NACC1: variants seen among roughly 807,000 people sequenced by gnomAD.
NACC1 encodes nucleus accumbens associated 1.
NACC1 carries 6 observed loss-of-function variants against 41.7 expected under a neutral mutation model. That is an observed-to-expected ratio of 0.14 (90% confidence interval 0.08 to 0.28). The LOEUF (loss-of-function observed/expected upper bound fraction) is 0.28, where lower values mean the gene tolerates loss of function less well. Among genes scored for constraint, NACC1 ranks in the 10% least tolerant of loss-of-function variants. The pLI is 1.00. For synonymous variants in NACC1, 338 were observed against 330.6 expected (o/e 1.02, Z -0.24); for missense variants, 434 against 763.7 (o/e 0.57, Z 5.09).
Position 13,136,144 on chromosome 19 carries a change from G to C in NACC1, c.937G>C (p.Gly313Arg). 1 of 1,611,874 alleles carries C rather than the reference G, an allele frequency of 6.2e-7. No homozygotes were observed. Among genetic ancestry groups the C allele is most frequent in the Non-Finnish European group, 8.5e-7 (1 of 1,178,854 alleles). The change falls in exon 2 of 6, where the codon GGC becomes CGC. Residue 313 changes from glycine (G) to arginine (R), a missense_variant. Physicochemically the swap from Gly to Arg is moderately radical, Grantham distance 125. Coordinates refer to ENST00000292431, the MANE Select transcript of NACC1 (RefSeq NM_052876.4). This position sits in a 1 kb window ranked among gnomAD's most constrained non-coding sequence, Gnocchi z 5.5. ...CACCATGTACAGCATGATGAACGTCGGCCAGACAGGTGAGGTGCCGTCCTG... is the reference window on the plus strand; with the variant it reads ...CACCATGTACAGCATGATGAACGTCCGCCAGACAGGTGAGGTGCCGTCCTG... The part of the protein sequence containing the change: ...MYTMYSMMNV[G>R]QTAEKVEALP...
chr19:13,139,454 A>G lies in NACC1; in HGVS notation c.*1048A>G, dbSNP rs1288518269. 1 of 152,184 alleles carries G rather than the reference A, an allele frequency of 6.6e-6. No individual in the cohort carries two copies. The highest frequency in any genetic ancestry group is 1.5e-5 in the Non-Finnish European group (1 of 68,200). 9.4% of individuals were successfully genotyped at this position (152,184 alleles called of 1,614,324 possible). ...GGTCCCCAGGGGTGGGGGGCCTTGG[A>G]AGGCAGGGCGGTGTTGGGGGGCTGG... On this transcript the variant is annotated 3_prime_UTR_variant, in exon 6 of 6. Transcript: ENST00000292431.
At position 13,137,281 on chromosome 19, in the gene NACC1, G is replaced by A. The variant is rs1171186093; in HGVS notation, c.1131G>A (p.Val377=). ...GCTTCCTCTCACCAGGCACCAACGT[G>A]TACATCACAAGGGCGCAGCTGATGA... ...EKLELVTGTN[V]YITRAQLMNC... Residue 377 remains valine (V), a synonymous_variant, in exon 4 of 6, where the codon GTG becomes GTA. Coordinates refer to ENST00000292431, the MANE Select transcript of NACC1 (RefSeq NM_052876.4). The surrounding 1 kb of genome is among the most constrained non-coding windows in gnomAD (Gnocchi z 6.1). 1 of 1,613,538 alleles carries A rather than the reference G, an allele frequency of 6.2e-7. No individual in the cohort carries two copies. Among genetic ancestry groups the A allele is most frequent in the African/African-American group, 1.3e-5 (1 of 74,938 alleles).
At chr19:13,122,749 G>T (rs1001507609) in intron 1 of NACC1, among the ~76,000 whole-genome samples, 1 of 152,150 alleles carries the variant, frequency 6.6e-6, no homozygotes, top group African/African-American at 2.4e-5. Context: ...AAACCCCAGC[G>T]ATCACTGCCT....
intron 1 of NACC1, 66 bp from the exon 2 acceptor site, chr19:13,135,134 C>T: frequency 6.8e-7 from 1 of 1,463,684 alleles, no homozygotes; most frequent in Non-Finnish European, 9.0e-7. Flanking sequence ...AGGCCAGCAC[C>T]CACATTTGCC....
chr19:13,125,173 C>T (rs886461165), intron 1 of NACC1, among the ~76,000 whole-genome samples: 7 of 152,064 alleles, frequency 4.6e-5, no homozygotes, highest in African/African-American at 1.7e-4. Context: ...AAAAACAAAA[C>T]AGACTGGGCC....
chr19:13,119,111 G>A (rs1010285317), intron 1 of NACC1, among the ~76,000 whole-genome samples: 1 of 151,554 alleles, frequency 6.6e-6, no homozygotes, highest in Non-Finnish European at 1.5e-5. Flanking sequence ...ATCAGGTAAG[G>A]TGAGGGACTG....
At chr19:13,121,043 G>A (rs921282679) in intron 1 of NACC1, among the ~76,000 whole-genome samples, 1 of 152,192 alleles carries the variant, frequency 6.6e-6, no homozygotes, top group Non-Finnish European at 1.5e-5. Flanking sequence ...CACAAGCAAA[G>A]GATCAAGATA....
chr19:13,126,333 G>A (rs1167692164), intron 1 of NACC1, among the ~76,000 whole-genome samples: 1 of 152,220 alleles, frequency 6.6e-6, no homozygotes, highest in African/African-American at 2.4e-5. Context: ...TTACAGGCGT[G>A]AGTCACCGTG....
intron 1 of NACC1, among the ~76,000 whole-genome samples, chr19:13,118,823 G>A (rs1599977508): frequency 7.5e-6 from 1 of 133,114 alleles, no homozygotes; most frequent in East Asian, 2.6e-4. Flanking sequence ...GAGGAGTCGG[G>A]CTCCGGCCAG....
Position 13,138,420 on chromosome 19 carries a change from C to A in NACC1, c.*14C>A, listed in dbSNP as rs764409556. ...GCCCTGCAGTAACCCGCCCAGCCTCCCGCGGGGCCACACACTTCCCCTCCC... is the reference window on the plus strand; with the variant it reads ...GCCCTGCAGTAACCCGCCCAGCCTCACGCGGGGCCACACACTTCCCCTCCC... On this transcript the variant is annotated 3_prime_UTR_variant, in exon 6 of 6. Transcript: ENST00000292431. The surrounding 1 kb of genome is among the most constrained non-coding windows in gnomAD (Gnocchi z 5.7). The A allele has an allele frequency of 3.1e-6, 5 of 1,605,560 alleles. No homozygotes were observed. In the South Asian group the frequency reaches 5.5e-5, roughly 18 times the overall value.
intron 1 of NACC1, among the ~76,000 whole-genome samples, chr19:13,127,069 C>T (rs1291767536): frequency 6.6e-6 from 1 of 151,568 alleles, no homozygotes; most frequent in African/African-American, 2.4e-5. Flanking sequence ...GACCTCGTCT[C>T]TATTACTAAA....
At chr19:13,118,820 C>G (rs1167512804) in intron 1 of NACC1, among the ~76,000 whole-genome samples, 3 of 105,910 alleles carry the variant, frequency 2.8e-5, no homozygotes, top group Non-Finnish European at 5.6e-5. Context: ...GAGGAGGAGT[C>G]GGGCTCCGGC....
rs1452655562 is a variant in NACC1, at chr19:13,135,190, C to G, written c.-8-10C>G. On this transcript the variant is annotated splice_polypyrimidine_tract_variant and intron_variant, in intron 1 of 5. Coordinates refer to ENST00000292431, the MANE Select transcript of NACC1 (RefSeq NM_052876.4). ...CTCTGTCTCTCCATTCCTCCCTGCC[C>G]CTCGTGCAGCCGCTGCCATGGCCCA... 1.3e-6 allele frequency: 2 copies of G among 1,564,830 alleles called. No homozygotes were observed. Among genetic ancestry groups the G allele is most frequent in the Non-Finnish European group, 1.7e-6 (2 of 1,154,212 alleles).
rs138389463 is a variant in NACC1, at chr19:13,126,293, C to T, written c.-9+7839C>T. ...CTCCTGACCTCGTGACCTCGTGATCCGCCCTCCTCAGCCTCCCAAAGTGCT... is the reference window on the plus strand; with the variant it reads ...CTCCTGACCTCGTGACCTCGTGATCTGCCCTCCTCAGCCTCCCAAAGTGCT... On this transcript the variant is annotated intron_variant, in intron 1 of 5. Transcript: ENST00000292431. Among the ~76,000 whole-genome samples, 1,432 of 152,212 alleles carry T rather than the reference C, an allele frequency of 9.4e-3. 26 individuals carry two copies. The highest frequency in any genetic ancestry group is 0.033 in the African/African-American group (1,381 of 41,514).
intron 1 of NACC1, 57 bp downstream of exon 1, chr19:13,118,511 G>C (rs1004065572): frequency 1.3e-5 from 2 of 151,224 alleles, no homozygotes; most frequent in Admixed American, 6.6e-5. Context: ...GCGGCCCGAG[G>C]GCTGAGTGGG....
In NACC1 at chr19:13,135,981, G is replaced by A. The variant is rs755984117; in HGVS notation, c.774G>A (p.Thr258=). The A allele has an allele frequency of 2.5e-5, 40 of 1,610,412 alleles. No homozygotes were observed. The highest frequency in any genetic ancestry group is 4.0e-5 in the African/African-American group (3 of 74,896). ...AAGGVVSGPS[T]SERTSPGTSS... ...GGGGTGTGGTGAGTGGGCCCAGCACGTCGGAGCGGACCAGCCCAGGCACCT... is the reference window on the plus strand; with the variant it reads ...GGGGTGTGGTGAGTGGGCCCAGCACATCGGAGCGGACCAGCCCAGGCACCT... Residue 258 remains threonine, a synonymous_variant, in exon 2 of 6, where the codon ACG becomes ACA. Transcript: ENST00000292431.
At chr19:13,130,535 CT>C (rs34032574) in intron 1 of NACC1, among the ~76,000 whole-genome samples, 20,464 of 128,176 alleles carry the variant, frequency 0.16, 1,044 homozygotes, top group Non-Finnish European at 0.17. Context: ...TTTTTCTTTT[CT>C]TTTTTTTTTT....
intron 1 of NACC1, among the ~76,000 whole-genome samples, chr19:13,134,958 G>A (rs1406855580): frequency 2.6e-5 from 4 of 152,208 alleles, no homozygotes; most frequent in African/African-American, 9.6e-5. Context: ...AAGGGATAGC[G>A]TGTGGCCACC....
At position 13,135,801 on chromosome 19, in the gene NACC1, T is replaced by C. The variant is rs951490089; in HGVS notation, c.594T>C (p.Asn198=). 2.6e-6 allele frequency: 4 copies of C among 1,555,030 alleles called. No homozygotes were observed. Among genetic ancestry groups the C allele is most frequent in the Middle Eastern group, 1.8e-4 (1 of 5,570 alleles). The change falls in exon 2 of 6, where the codon AAT becomes AAC. Residue 198 remains asparagine (N), a synonymous_variant. Coordinates refer to ENST00000292431, the MANE Select transcript of NACC1 (RefSeq NM_052876.4). Reference sequence around the variant, plus strand: ...AGAAGGAGGCTGGGGGCGGCGGCAATGGCAGCCGCAAGATGGCCAAGTTCT... The same window carrying C: ...AGAAGGAGGCTGGGGGCGGCGGCAACGGCAGCCGCAAGATGGCCAAGTTCT... ...SGQKEAGGGG[N]GSRKMAKFST... is the part of the protein sequence containing the mutation.
Sources: gnomAD v4.1 joint callset for allele counts (sites outside exome capture counted in the v4.1 genomes callset) on GRCh38, gnomAD v4.1.1 for gene constraint, Gnocchi (gnomAD v3.1) non-coding constraint, MANE v1.5 for transcripts, NCBI Gene and HGNC (gene_info 2026-07-23, HGNC 2026-07-21) for gene names.